ALDH2: variants seen among roughly 807,000 people sequenced by gnomAD.
The protein encoded by ALDH2 is aldehyde dehydrogenase, mitochondrial.
Under a neutral mutation model 59.6 loss-of-function variants are expected in ALDH2, and 44 were observed. The ratio of observed to expected loss-of-function variants is 0.74; its 90% CI spans 0.58 to 0.95. The LOEUF (loss-of-function observed/expected upper bound fraction) is 0.95. Among genes scored for constraint, ALDH2 ranks in the 40% least tolerant of loss-of-function variants. The pLI is 0.00. For synonymous variants in ALDH2, 291 were observed against 284.0 expected (o/e 1.02, Z -0.25); for missense variants, 570 against 696.3 (o/e 0.82, Z 2.04).
intron 9 of ALDH2, among the ~76,000 whole-genome samples, chr12:111,796,223 G>A (rs1328427621): frequency 6.6e-6 from 1 of 152,152 alleles, no homozygotes; most frequent in Non-Finnish European, 1.5e-5. Context: ...TCGGGAGGCT[G>A]AGGCAGGAGA....
chr12:111,791,893 C>A (rs1363549011), intron 7 of ALDH2, among the ~76,000 whole-genome samples, 168 bp from the exon 8 acceptor site: 1 of 152,070 alleles, frequency 6.6e-6, no homozygotes, highest in Admixed American at 6.6e-5. Context: ...CAGAGCGAGA[C>A]CCTGTCCAAA....
intron 1 of ALDH2, among the ~76,000 whole-genome samples, chr12:111,772,984 T>A (rs1482467091): frequency 6.7e-6 from 1 of 148,994 alleles, no homozygotes; most frequent in African/African-American, 2.5e-5. Flanking sequence ...GCAGGCTGGG[T>A]GTGGTGGCTC....
intron 8 of ALDH2, 144 bp from the exon 9 acceptor site, chr12:111,792,454 C>A: frequency 1.0e-6 from 1 of 995,782 alleles, no homozygotes; most frequent in Non-Finnish European, 1.4e-6. Flanking sequence ...CGAGAGCACC[C>A]CTCATCTCCC....
At chr12:111,779,792 C>T (rs1211288895) in intron 1 of ALDH2, among the ~76,000 whole-genome samples, 1 of 152,222 alleles carries the variant, frequency 6.6e-6, no homozygotes, top group African/African-American at 2.4e-5. Context: ...TTACCAAGCC[C>T]GAAGGGAACA....
rs1262860678 is a variant in ALDH2, at chr12:111,816,992, A to G, written c.*7417A>G. 1.3e-5 allele frequency: 2 copies of G among 152,236 alleles called. No homozygotes were observed. Among genetic ancestry groups the G allele is most frequent in the African/African-American group, 4.8e-5 (2 of 41,462 alleles). The allele number at this position is 152,236 out of a possible 1,614,324, so 9.4% of individuals were successfully genotyped here. Reference sequence around the variant, plus strand: ...AGTTGGTTACACAAATATGAGTGTGATTAAAATGATGGTGCAATTGCTGTT... The same window carrying G: ...AGTTGGTTACACAAATATGAGTGTGGTTAAAATGATGGTGCAATTGCTGTT... On this transcript the variant is annotated 3_prime_UTR_variant, in exon 13 of 13. Transcript: ENST00000261733.
chr12:111,789,585 A>G (rs1413265564), intron 4 of ALDH2, among the ~76,000 whole-genome samples: 3 of 151,614 alleles, frequency 2.0e-5, no homozygotes, highest in African/African-American at 7.3e-5. Flanking sequence ...TTGGAAATGG[A>G]CTCCTGGGAT....
chr12:111,807,099 T>C (rs2068501572), intron 12 of ALDH2, among the ~76,000 whole-genome samples: 1 of 151,078 alleles, frequency 6.6e-6, no homozygotes, highest in Admixed American at 6.6e-5. Flanking sequence ...CCATCTCTAC[T>C]AAAAATACAA....
chr12:111,794,014 ATTT>A (rs543884211), intron 9 of ALDH2, among the ~76,000 whole-genome samples: 3 of 102,930 alleles, frequency 2.9e-5, no homozygotes, highest in Non-Finnish European at 4.0e-5. Context: ...GCAACCACTG[ATTT>A]TTTTTTTTTT....
rs200369180 is a variant in ALDH2, at chr12:111,767,054, C to G, written c.72C>G (p.Ala24=). ...TCTTGTCAGCCGCCGCCACCCAGGC[C>G]GTGCCTGCCCCCAACCAGCAGCCCG... ...RRLLSAAATQ[A]VPAPNQQPEV... Residue 24 remains alanine, a synonymous_variant, in exon 1 of 13, where the codon GCC becomes GCG. Coordinates refer to ENST00000261733, the MANE Select transcript of ALDH2 (RefSeq NM_000690.4). The G allele has an allele frequency of 6.5e-7, 1 of 1,529,420 alleles. No individual in the cohort carries two copies. The highest frequency in any genetic ancestry group is 1.2e-5 in the South Asian group (1 of 83,300). 94.7% of individuals were successfully genotyped at this position (1,529,420 alleles called of 1,614,324 possible).
chr12:111,800,580 A>G (rs79596048), intron 11 of ALDH2, among the ~76,000 whole-genome samples: 2,353 of 152,254 alleles, frequency 0.015, 70 homozygotes, highest in African/African-American at 0.053. Context: ...GTGTACCACC[A>G]CACCTGGACA....
Position 111,809,905 on chromosome 12 carries a change from A to G in ALDH2, c.*330A>G, listed in dbSNP as rs1449586516. ...GAAGAAAAAGCTATTGTTTACAATT[A>G]TATCACCATTAAGGCAACTGCTACA... On this transcript the variant is annotated 3_prime_UTR_variant, in exon 13 of 13. Transcript: ENST00000261733. The G allele has an allele frequency of 1.2e-5, 5 of 410,854 alleles. No homozygotes were observed. The highest frequency in any genetic ancestry group is 2.2e-5 in the Non-Finnish European group (5 of 224,554). 25.5% of individuals were successfully genotyped at this position (410,854 alleles called of 1,614,324 possible). A position where few individuals can be genotyped will look rare whatever the true frequency, so the allele number is the denominator to read the frequency against.
At chr12:111,781,235 C>G (rs1295604287) in intron 1 of ALDH2, among the ~76,000 whole-genome samples, 2 of 152,306 alleles carry the variant, frequency 1.3e-5, no homozygotes, top group African/African-American at 4.8e-5. Context: ...AGGGGAGGCT[C>G]TCTCCTCAAC....
At chr12:111,780,698 G>T (rs369471663) in intron 1 of ALDH2, among the ~76,000 whole-genome samples, 1 of 152,252 alleles carries the variant, frequency 6.6e-6, no homozygotes, top group African/African-American at 2.4e-5. Flanking sequence ...TTCTGTGTTT[G>T]ATTGCCTCTT....
intron 9 of ALDH2, among the ~76,000 whole-genome samples, chr12:111,797,250 T>C (rs900720653): frequency 6.6e-5 from 10 of 152,208 alleles, no homozygotes; most frequent in Non-Finnish European, 1.5e-4. Context: ...TCCTTCTTTT[T>C]ACAGAGTATC....
At chr12:111,807,742 A>G (rs1294925289) in intron 12 of ALDH2, among the ~76,000 whole-genome samples, 1 of 152,104 alleles carries the variant, frequency 6.6e-6, no homozygotes, top group East Asian at 1.9e-4. Context: ...TGGAAGATGT[A>G]GTGGTTAGTG....
At position 111,766,949 on chromosome 12, in the gene ALDH2, T is replaced by A. The variant is rs1255909286; in HGVS notation, c.-34T>A. On this transcript the variant is annotated 5_prime_UTR_variant, in exon 1 of 13. Coordinates refer to ENST00000261733, the MANE Select transcript of ALDH2 (RefSeq NM_000690.4). ...AGTGGCCCTGAGACCCTAGCTCTGC[T>A]CTCGGTCCGCTCGCTGTCCGCTAGC... 2.0e-6 allele frequency: 3 copies of A among 1,507,286 alleles called. No homozygotes were observed. In the African/African-American group the frequency reaches 4.3e-5, roughly 22 times the overall value. The allele number at this position is 1,507,286 out of a possible 1,614,324, so 93.4% of individuals were successfully genotyped here.
intron 1 of ALDH2, among the ~76,000 whole-genome samples, chr12:111,781,096 G>A (rs2068268489): frequency 6.6e-6 from 1 of 152,012 alleles, no homozygotes; most frequent in Non-Finnish European, 1.5e-5. Flanking sequence ...GCAGTGGAGT[G>A]AGACCCTGTC....
intron 9 of ALDH2, among the ~76,000 whole-genome samples, chr12:111,794,399 CTTCT>C (rs1040985574): frequency 2.6e-5 from 4 of 152,106 alleles, no homozygotes; most frequent in African/African-American, 9.7e-5. Flanking sequence ...CTCAGACTGG[CTTCT>C]TTCTTTTAGC....
At chr12:111,792,302 G>T in intron 8 of ALDH2, 139 bp downstream of exon 8, 1 of 737,002 alleles carries the variant, frequency 1.4e-6, no homozygotes, top group Non-Finnish European at 2.2e-6. Context: ...AGACGCCAGC[G>T]CAGGGCCTGC....
Sources: allele counts gnomAD v4.1 joint callset (sites outside exome capture counted in the v4.1 genomes callset), GRCh38; gene constraint gnomAD v4.1.1; transcripts MANE v1.5; gene names NCBI Gene and HGNC (gene_info 2026-07-23, HGNC 2026-07-21).